The following PGAP1 variants were observed in gnomAD, a reference collection of about 807,000 sequenced individuals.
PGAP1 encodes GPI inositol-deacylase.
A neutral mutation model predicts 127.0 loss-of-function variants in PGAP1; 76 were observed. The observed-to-expected ratio is 0.60, with a 90% confidence interval of 0.50 to 0.72. The LOEUF is 0.72. Ranked by LOEUF, PGAP1 falls within the 30% of genes least tolerant of loss-of-function variation. The pLI, the probability that PGAP1 is intolerant of heterozygous loss-of-function variation, is 0.00. For synonymous variants in PGAP1, 362 were observed against 366.5 expected (o/e 0.99, Z 0.14); for missense variants, 982 against 1,071.3 (o/e 0.92, Z 1.16).
chr2:196,902,316 G>A (rs1255258696), intron 5 of PGAP1, among the ~76,000 whole-genome samples: 4 of 152,160 alleles, frequency 2.6e-5, no homozygotes, highest in Admixed American at 6.5e-5. Context: ...AGAATTATAG[G>A]CATAAGCCAT....
chr2:196,892,688 T>A (rs1702140390), intron 8 of PGAP1, among the ~76,000 whole-genome samples: 1 of 152,082 alleles, frequency 6.6e-6, no homozygotes, highest in African/African-American at 2.4e-5. Context: ...CATAATTAAA[T>A]ATAACAGGTA....
At chr2:196,887,675 T>C (rs1218849210) in intron 10 of PGAP1, among the ~76,000 whole-genome samples, 2 of 152,218 alleles carry the variant, frequency 1.3e-5, no homozygotes, top group African/African-American at 4.8e-5. Flanking sequence ...GGGAAAATGA[T>C]GAATCAGGCA....
chr2:196,864,476 G>A (rs899040071), intron 20 of PGAP1, among the ~76,000 whole-genome samples: 5 of 148,078 alleles, frequency 3.4e-5, no homozygotes, highest in African/African-American at 1.2e-4. Flanking sequence ...GGGGTTAAAT[G>A]TTTTGCCCCT....
At chr2:196,892,944 T>C (rs1412555689) in intron 8 of PGAP1, among the ~76,000 whole-genome samples, 196 bp downstream of exon 8, 1 of 152,088 alleles carries the variant, frequency 6.6e-6, no homozygotes, top group African/African-American at 2.4e-5. Context: ...CTCTTACATG[T>C]TGCTTCTTTT....
chr2:196,862,855 T>C (rs572378688), intron 20 of PGAP1, among the ~76,000 whole-genome samples: 4 of 151,808 alleles, frequency 2.6e-5, no homozygotes, highest in South Asian at 4.2e-4. Flanking sequence ...GAGGTGGAGG[T>C]TGTGGTGAGC....
Position 196,837,276 on chromosome 2 carries a change from A to G in PGAP1, c.*3958T>C, listed in dbSNP as rs1330379301. 2 of 152,196 alleles carry G rather than the reference A, an allele frequency of 1.3e-5. No homozygotes were observed. The highest frequency in any genetic ancestry group is 3.8e-4 in the East Asian group (2 of 5,204). 9.4% of individuals were successfully genotyped at this position (152,196 alleles called of 1,614,324 possible). ...ATTTCCCTTGGCCACAAAGGGTGCT[A>G]ATAAACAGCAAGATGAAATGAATGC... On this transcript the variant is annotated 3_prime_UTR_variant, in exon 27 of 27. Coordinates refer to ENST00000354764, the MANE Select transcript of PGAP1 (RefSeq NM_024989.4).
At chr2:196,892,235 T>C (rs1296434258) in intron 9 of PGAP1, 111 bp downstream of exon 9, 5 of 564,816 alleles carry the variant, frequency 8.9e-6, no homozygotes, top group Non-Finnish European at 1.6e-5. Context: ...TATTAAATTG[T>C]GGGAAAATGG....
chr2:196,897,108 ATT>A, intron 7 of PGAP1, 21 bp downstream of exon 7: 1 of 1,358,526 alleles, frequency 7.4e-7, no homozygotes, highest in Non-Finnish European at 1.0e-6. Context: ...CATTTAAATA[ATT>A]TTTAGTTTAA....
rs1393901483 is a variant in PGAP1 at position 196,902,569 on chromosome 2, C to A, written c.807+16G>T. The stretch of plus-strand genomic sequence containing the variant: ...TATTACATTACTATTTCAATAGAAT[C>A]TTAAAAAAAGATTACCACAACAGAT... On this transcript the variant is annotated intron_variant, in intron 5 of 26. Coordinates refer to ENST00000354764, the MANE Select transcript of PGAP1 (RefSeq NM_024989.4). 1 of 1,586,546 alleles carries A rather than the reference C, an allele frequency of 6.3e-7. No homozygotes were observed. Among genetic ancestry groups the A allele is most frequent in the Non-Finnish European group, 8.6e-7 (1 of 1,166,964 alleles).
At chr2:196,851,741 C>G (rs1700728641) in intron 20 of PGAP1, among the ~76,000 whole-genome samples, 1 of 152,140 alleles carries the variant, frequency 6.6e-6, no homozygotes, top group Non-Finnish European at 1.5e-5. Flanking sequence ...CTCTCTCTCC[C>G]TCTAAAATCA....
rs1194279744 is a variant in PGAP1 at position 196,834,423 on chromosome 2, T to A, written c.*6811A>T. On this transcript the variant is annotated 3_prime_UTR_variant, in exon 27 of 27. Transcript: ENST00000354764. ...GACCACCCATAATAAAATGTACAGT[T>A]ATAAAATTGCAGGGCACTCTTTATC... 6.6e-6 allele frequency: 1 copy of A among 152,430 alleles called. No individual in the cohort carries two copies. The highest frequency in any genetic ancestry group is 1.5e-5 in the Non-Finnish European group (1 of 67,896). The allele number at this position is 152,430 out of a possible 1,614,324, so 9.4% of individuals were successfully genotyped here. A position where few individuals can be genotyped will look rare whatever the true frequency, so the allele number is the denominator to read the frequency against.
Position 196,837,119 on chromosome 2 carries a change from T to C in PGAP1, c.*4115A>G, listed in dbSNP as rs1700259784. On this transcript the variant is annotated 3_prime_UTR_variant, in exon 27 of 27. Coordinates refer to ENST00000354764, the MANE Select transcript of PGAP1 (RefSeq NM_024989.4). Reference sequence around the variant, plus strand: ...GCTAATTTGGACCTAACACCTAAAATGAAAATGTGGGTCAACTGATTTATC... The same window carrying C: ...GCTAATTTGGACCTAACACCTAAAACGAAAATGTGGGTCAACTGATTTATC... 1 of 152,176 alleles carries C rather than the reference T, an allele frequency of 6.6e-6. No homozygotes were observed. Among genetic ancestry groups the C allele is most frequent in the South Asian group, 2.1e-4 (1 of 4,830 alleles). 9.4% of individuals were successfully genotyped at this position (152,176 alleles called of 1,614,324 possible). A position where few individuals can be genotyped will look rare whatever the true frequency, so the allele number is the denominator to read the frequency against.
intron 20 of PGAP1, among the ~76,000 whole-genome samples, chr2:196,862,314 G>C (rs1701095236): frequency 6.6e-6 from 1 of 151,942 alleles, no homozygotes; most frequent in South Asian, 2.1e-4. Flanking sequence ...ATTAGGAAGA[G>C]GAAATTCCCG....
chr2:196,868,076 T>C (rs1432609999), intron 19 of PGAP1, among the ~76,000 whole-genome samples: 2 of 152,214 alleles, frequency 1.3e-5, no homozygotes, highest in East Asian at 1.9e-4. Context: ...ACTAGCTCTG[T>C]GTCCTTGGGC....
At chr2:196,890,315 G>A (rs1406275225) in intron 10 of PGAP1, among the ~76,000 whole-genome samples, 4 of 151,866 alleles carry the variant, frequency 2.6e-5, no homozygotes, top group Non-Finnish European at 5.9e-5. Flanking sequence ...TAACATAGTA[G>A]GTACTCATTA....
chr2:196,879,881 GAACAA>G (rs946234046), intron 13 of PGAP1, among the ~76,000 whole-genome samples, 190 bp downstream of exon 13: 1 of 152,032 alleles, frequency 6.6e-6, no homozygotes, highest in African/African-American at 2.4e-5. Flanking sequence ...TTCTCACTTG[GAACAA>G]AGAAACTTGG....
At chr2:196,889,858 CAAAA>C (rs979436427) in intron 10 of PGAP1, among the ~76,000 whole-genome samples, 1 of 43,978 alleles carries the variant, frequency 2.3e-5, no homozygotes, top group African/African-American at 8.0e-5. Flanking sequence ...GACTCCGTCT[CAAAA>C]AAAAAAAAAA....
At position 196,840,011 on chromosome 2, in the gene PGAP1, G is replaced by C. The variant is rs1270659719; in HGVS notation, c.*1223C>G. ...TGAGTTTACGCTATCCTAAGGCAAAGAGTATACTCTTCTGCCTTGCCGATT... is the reference window on the plus strand; with the variant it reads ...TGAGTTTACGCTATCCTAAGGCAAACAGTATACTCTTCTGCCTTGCCGATT... On this transcript the variant is annotated 3_prime_UTR_variant, in exon 27 of 27. Transcript: ENST00000354764. 1 of 152,200 alleles carries C rather than the reference G, an allele frequency of 6.6e-6. No homozygotes were observed. The highest frequency in any genetic ancestry group is 2.4e-5 in the African/African-American group (1 of 41,438). The allele number at this position is 152,200 out of a possible 1,614,324, so 9.4% of individuals were successfully genotyped here.
In PGAP1 at chr2:196,833,722, A is replaced by G. The variant is rs892787990; in HGVS notation, c.*7512T>C. On this transcript the variant is annotated 3_prime_UTR_variant, in exon 27 of 27. Coordinates refer to ENST00000354764, the MANE Select transcript of PGAP1 (RefSeq NM_024989.4). The stretch of plus-strand genomic sequence containing the variant: ...AAACAATGTGTTGAGTTTACTTTCA[A>G]AATTGAAATTGAAAAATATACAACA... 1 of 152,114 alleles carries G rather than the reference A, an allele frequency of 6.6e-6. No individual in the cohort carries two copies. The highest frequency in any genetic ancestry group is 2.4e-5 in the African/African-American group (1 of 41,458). 9.4% of individuals were successfully genotyped at this position (152,114 alleles called of 1,614,324 possible).
Sources: allele counts gnomAD v4.1 joint callset (sites outside exome capture counted in the v4.1 genomes callset), GRCh38; gene constraint gnomAD v4.1.1; transcripts MANE v1.5; gene names NCBI Gene and HGNC (gene_info 2026-07-23, HGNC 2026-07-21).